Variants in ABI3BP observed in about 807,000 individuals in gnomAD.
ABI3BP encodes ABI family member 3 binding protein.
In ABI3BP, 216 loss-of-function variants were observed where a neutral mutation model predicts 268.6. That is an observed-to-expected ratio of 0.80 (90% confidence interval 0.72 to 0.90). The LOEUF (loss-of-function observed/expected upper bound fraction) is 0.90. Ranked by LOEUF, ABI3BP falls within the 40% of genes least tolerant of loss-of-function variation. ABI3BP has a pLI of 0.00. For missense variants in ABI3BP, 2,090 were observed against 2,182.4 expected (o/e 0.96, Z 0.84); for synonymous variants, 730 against 730.0 (o/e 1.00, Z 0.00).
chr3:100,864,842 T>C lies in ABI3BP; in HGVS notation c.1054A>G (p.Thr352Ala). 1 of 1,605,402 alleles carries C rather than the reference T, an allele frequency of 6.2e-7. No individual in the cohort carries two copies. The highest frequency in any genetic ancestry group is 8.5e-7 in the Non-Finnish European group (1 of 1,176,738). The part of the protein sequence containing the change: ...TTSSALDVSE[T>A]TLVLSKRTPE... ...AAGTTCTTAGAATTACCCAGTGTTG[T>C]TTCTGAAACATCTAATGCACTAGAC... Residue 352 changes from threonine to alanine, a missense_variant, in exon 11 of 68, where the codon ACA becomes GCA. Coordinates refer to ENST00000471714, the MANE Select transcript of ABI3BP (RefSeq NM_001375547.2).
intron 1 of ABI3BP, among the ~76,000 whole-genome samples, chr3:100,963,568 C>T (rs554055519): frequency 2.0e-5 from 3 of 152,330 alleles, no homozygotes; most frequent in East Asian, 1.9e-4. Flanking sequence ...ATATAGCTCA[C>T]GCTTAGGACA....
At chr3:100,809,466 A>G (rs1244817870) in intron 49 of ABI3BP, among the ~76,000 whole-genome samples, 2 of 152,122 alleles carry the variant, frequency 1.3e-5, no homozygotes, top group African/African-American at 2.4e-5. Flanking sequence ...AGAATCACTA[A>G]TAGCAGTATT....
intron 62 of ABI3BP, 46 bp downstream of exon 62, chr3:100,770,697 G>T (rs1413145610): frequency 7.2e-7 from 1 of 1,392,148 alleles, no homozygotes; most frequent in Non-Finnish European, 9.4e-7. Flanking sequence ...AGGGTATCTT[G>T]TTATCAAAGC....
chr3:100,868,580 G>A (rs956872478), intron 9 of ABI3BP, among the ~76,000 whole-genome samples: 5 of 152,092 alleles, frequency 3.3e-5, no homozygotes, highest in Non-Finnish European at 5.9e-5. Context: ...CTTTCACGAC[G>A]TTTATAGCAG....
rs566938608 is a variant in ABI3BP, at chr3:100,933,291, A to G, written c.80-6810T>C. 3.9e-5 allele frequency among the ~76,000 whole-genome samples: 6 copies of G among 152,060 alleles called. No homozygotes were observed. In the South Asian group the frequency reaches 1.2e-3, roughly 32 times the overall value. On this transcript the variant is annotated intron_variant, in intron 1 of 67. Transcript: ENST00000471714. The stretch of plus-strand genomic sequence containing the variant: ...ATTAATTGCCATAAGATACTAAGTA[A>G]AAGAATAGCTATAATACTGATGTCA...
chr3:100,801,478 A>G (rs1284876117), intron 51 of ABI3BP, among the ~76,000 whole-genome samples: 1 of 151,672 alleles, frequency 6.6e-6, no homozygotes, highest in Non-Finnish European at 1.5e-5. Context: ...TAAAGAATTA[A>G]TTTATTAATC....
At chr3:100,933,632 A>AAT (rs55749258) in intron 1 of ABI3BP, among the ~76,000 whole-genome samples, 15,006 of 146,296 alleles carry the variant, frequency 0.1, 1,054 homozygotes, top group Non-Finnish European at 0.15. Context: ...CAATATTTGC[A>AAT]ATATATATAT....
intron 53 of ABI3BP, 88 bp downstream of exon 53, chr3:100,795,716 T>C (rs1162171549): frequency 2.0e-6 from 2 of 986,258 alleles, no homozygotes; most frequent in Non-Finnish European, 2.7e-6. Flanking sequence ...TGAGAAGAAA[T>C]GATGTTTCAA....
At chr3:100,857,497 T>C (rs759835595) in intron 14 of ABI3BP, among the ~76,000 whole-genome samples, 5 of 152,192 alleles carry the variant, frequency 3.3e-5, no homozygotes, top group African/African-American at 4.8e-5. Flanking sequence ...ATCTCACAGA[T>C]TTGTGATCAC....
At chr3:100,860,756 C>A (rs898809012) in intron 14 of ABI3BP, among the ~76,000 whole-genome samples, 3 of 151,952 alleles carry the variant, frequency 2.0e-5, no homozygotes, top group African/African-American at 7.3e-5. Context: ...TAAAGAAAAC[C>A]CAAAAGAACC....
chr3:100,751,725 G>A (rs1396134537), intron 66 of ABI3BP, 51 bp from the exon 67 acceptor site: 3 of 1,503,378 alleles, frequency 2.0e-6, no homozygotes, highest in Middle Eastern at 1.7e-4. Flanking sequence ...ACTTTGAAAT[G>A]TGACAATTTT....
intron 1 of ABI3BP, among the ~76,000 whole-genome samples, chr3:100,960,722 A>ATC (rs1369945149): frequency 6.6e-6 from 1 of 152,194 alleles, no homozygotes; most frequent in Non-Finnish European, 1.5e-5. Context: ...AAGGAAGGGA[A>ATC]CCACATGACA....
chr3:100,756,929 A>C (rs140359824), intron 63 of ABI3BP, among the ~76,000 whole-genome samples: 2 of 152,254 alleles, frequency 1.3e-5, no homozygotes, highest in African/African-American at 4.8e-5. Context: ...TGTGTTGGTA[A>C]AATTTTTTCT....
At chr3:100,928,105 C>G (rs1024573148) in intron 1 of ABI3BP, among the ~76,000 whole-genome samples, 1 of 151,688 alleles carries the variant, frequency 6.6e-6, no homozygotes, top group African/African-American at 2.4e-5. Context: ...TGATCAAGAC[C>G]CCATTGAGGA....
intron 34 of ABI3BP, among the ~76,000 whole-genome samples, chr3:100,827,258 A>G (rs1381325630): frequency 6.6e-6 from 1 of 152,148 alleles, no homozygotes; most frequent in Non-Finnish European, 1.5e-5. Context: ...GCGAAGTAAA[A>G]CATGTCTTCT....
intron 21 of ABI3BP, among the ~76,000 whole-genome samples, chr3:100,841,220 T>TTTTTTTTTTTTTTTTTTTTTTTTTG (rs1560681726): frequency 1.7e-5 from 2 of 119,548 alleles, no homozygotes; most frequent in East Asian, 2.6e-4. Context: ...TTTTTTTTTT[T>TTTTTTTTTTTTTTTTTTTTTTTTTG]TTTTTTTGCT....
intron 1 of ABI3BP, among the ~76,000 whole-genome samples, chr3:100,939,836 G>T (rs539407355): frequency 6.6e-6 from 1 of 152,024 alleles, no homozygotes; most frequent in Non-Finnish European, 1.5e-5. Flanking sequence ...GGAGACTGGG[G>T]TCTATTTCAC....
At chr3:100,946,884 A>G (rs1026117254) in intron 1 of ABI3BP, among the ~76,000 whole-genome samples, 1 of 152,140 alleles carries the variant, frequency 6.6e-6, no homozygotes, top group Non-Finnish European at 1.5e-5. Context: ...TTTTAAGAAT[A>G]GTTTAGGCTA....
intron 22 of ABI3BP, among the ~76,000 whole-genome samples, 190 bp downstream of exon 22, chr3:100,840,630 C>T (rs2098680238): frequency 2.0e-5 from 3 of 152,052 alleles, no homozygotes; most frequent in Non-Finnish European, 4.4e-5. Context: ...GGACAGGCAA[C>T]TTTTAAAAAA....
Sources: allele counts gnomAD v4.1 joint callset (sites outside exome capture counted in the v4.1 genomes callset), GRCh38; gene constraint gnomAD v4.1.1; transcripts MANE v1.5; gene names NCBI Gene and HGNC (gene_info 2026-07-23, HGNC 2026-07-21).